Variants in UBR3 observed in about 807,000 individuals in gnomAD.
The protein encoded by UBR3 is ubiquitin protein ligase E3 component n-recognin 3.
In UBR3, 85 loss-of-function variants were observed where a neutral mutation model predicts 243.2. The ratio of observed to expected loss-of-function variants is 0.35; its 90% confidence interval spans 0.29 to 0.42. UBR3 has a LOEUF of 0.42. UBR3 is among the 10% of genes least tolerant of loss of function. The probability of loss-of-function intolerance (pLI) is 1.00; values close to 1 mark genes in which losing one functional copy is unlikely to be tolerated. For synonymous variants in UBR3, 748 were observed against 799.8 expected (o/e 0.94, Z 1.09); for missense variants, 1,686 against 2,300.8 (o/e 0.73, Z 5.47).
At chr2:169,946,713 CA>C (rs1291351623) in intron 21 of UBR3, among the ~76,000 whole-genome samples, 6 of 151,962 alleles carry the variant, frequency 3.9e-5, no homozygotes, top group Non-Finnish European at 8.8e-5. Flanking sequence ...ATGTTTAATG[CA>C]TTTTTGGTGT....
At chr2:169,961,299 T>C (rs568531199) in intron 24 of UBR3, among the ~76,000 whole-genome samples, 1 of 151,728 alleles carries the variant, frequency 6.6e-6, no homozygotes, top group Non-Finnish European at 1.5e-5. Flanking sequence ...TAACGTCATC[T>C]TTTTAAAAAA....
At chr2:169,881,859 GTGTATATGTATACATATA>G in intron 5 of UBR3, among the ~76,000 whole-genome samples, 1 of 133,178 alleles carries the variant, frequency 7.5e-6, no homozygotes, top group South Asian at 2.2e-4. Flanking sequence ...ATACGTATAT[GTGTATATGTATACATATA>G]GGTATATGTG....
At chr2:169,956,300 T>TCA (rs1553519141) in intron 23 of UBR3, among the ~76,000 whole-genome samples, 2 of 147,010 alleles carry the variant, frequency 1.4e-5, no homozygotes, top group Non-Finnish European at 3.0e-5. Flanking sequence ...AACTAAAATG[T>TCA]TATATATATA....
At chr2:169,965,205 T>C (rs548986137) in intron 24 of UBR3, among the ~76,000 whole-genome samples, 11 of 152,230 alleles carry the variant, frequency 7.2e-5, no homozygotes, top group Non-Finnish European at 1.3e-4. Context: ...TTTTGTACTA[T>C]AGTATTATTA....
intron 36 of UBR3, among the ~76,000 whole-genome samples, chr2:170,075,913 G>GA (rs35290980): frequency 0.01 from 1,427 of 137,276 alleles, 11 homozygotes; most frequent in African/African-American, 0.032. Context: ...AACTATGACA[G>GA]AAAAAAAAAA....
intron 18 of UBR3, among the ~76,000 whole-genome samples, chr2:169,930,013 A>AGCACAGTATT (rs1234310788): frequency 6.6e-6 from 1 of 152,224 alleles, no homozygotes; most frequent in Non-Finnish European, 1.5e-5. Context: ...TTAAAAGAAA[A>AGCACAGTATT]GCACAGTATT....
intron 27 of UBR3, among the ~76,000 whole-genome samples, chr2:170,001,939 A>AAAAAAAAG (rs1553531165): frequency 7.8e-4 from 90 of 116,034 alleles, no homozygotes; most frequent in African/African-American, 1.4e-3. Flanking sequence ...AAAAAAAAAA[A>AAAAAAAAG]AAAGAAAGAA....
intron 30 of UBR3, among the ~76,000 whole-genome samples, chr2:170,020,569 T>G (rs2090362306): frequency 1.3e-5 from 2 of 152,224 alleles, no homozygotes; most frequent in African/African-American, 4.8e-5. Context: ...ATGTTCATGG[T>G]TGTTAACTGT....
chr2:169,970,921 A>G (rs1373946743), intron 24 of UBR3, among the ~76,000 whole-genome samples: 2 of 145,262 alleles, frequency 1.4e-5, no homozygotes, highest in Non-Finnish European at 3.0e-5. Context: ...CAGTGGTTGA[A>G]CTAGTTTACA....
At chr2:169,974,333 C>CAA (rs1392962323) in intron 24 of UBR3, among the ~76,000 whole-genome samples, 9 of 152,084 alleles carry the variant, frequency 5.9e-5, no homozygotes, top group African/African-American at 2.2e-4. Context: ...ATTACTGATT[C>CAA]AATCTCATTA....
chr2:169,886,113 C>T lies in UBR3; in HGVS notation c.1039-5052C>T, dbSNP rs561459127. 5.3e-5 allele frequency among the ~76,000 whole-genome samples: 8 copies of T among 149,734 alleles called. No homozygotes were observed. The East Asian group carries it at 7.9e-4, about 15-fold the overall frequency. On this transcript the variant is annotated intron_variant, in intron 5 of 38. Coordinates refer to ENST00000272793, the MANE Select transcript of UBR3 (RefSeq NM_172070.4). ...TGGAGGTTGAAGTGAGCCGAGATCG[C>T]GCCACTGCACCCCAGCCTGCGCGAC... is the stretch of plus-strand genomic sequence containing the variant.
intron 1 of UBR3, among the ~76,000 whole-genome samples, chr2:169,840,601 G>A (rs992937497): frequency 6.6e-6 from 1 of 152,178 alleles, no homozygotes; most frequent in African/African-American, 2.4e-5. Flanking sequence ...TGTTGCCCTT[G>A]TGGAGACTCT....
intron 23 of UBR3, among the ~76,000 whole-genome samples, chr2:169,951,554 G>T (rs986565177): frequency 6.6e-6 from 1 of 152,148 alleles, no homozygotes; most frequent in African/African-American, 2.4e-5. Flanking sequence ...GGTACACAGG[G>T]TGTTAATGGG....
intron 1 of UBR3, among the ~76,000 whole-genome samples, chr2:169,851,905 C>T (rs922839491): frequency 4.0e-5 from 6 of 151,332 alleles, no homozygotes; most frequent in Middle Eastern, 3.5e-3. Context: ...TTGGAGTGTG[C>T]ACCGAATAAA....
Position 170,079,946 on chromosome 2 carries a change from G to A in UBR3, c.5332G>A (p.Val1778Ile), listed in dbSNP as rs142070706. The A allele has an allele frequency of 1.2e-6, 2 of 1,614,052 alleles. No homozygotes were observed. The highest frequency in any genetic ancestry group is 3.3e-5 in the Admixed American group (2 of 60,018). ...VCTKVPKDPA[V>I]CLVCGTFVCL... ...CACCAAGGTTCCTAAAGATCCTGCTGTTTGCCTTGTGTGTGGTACTTTTGT... is the reference window on the plus strand; with the variant it reads ...CACCAAGGTTCCTAAAGATCCTGCTATTTGCCTTGTGTGTGGTACTTTTGT... Residue 1778 changes from valine to isoleucine, a missense_variant, in exon 37 of 39, where the codon GTT becomes ATT. Physicochemically the swap from Val to Ile is conservative, Grantham distance 29 (BLOSUM62 3). Coordinates refer to ENST00000272793, the MANE Select transcript of UBR3 (RefSeq NM_172070.4).
At chr2:169,861,680 A>G (rs1559032599) in intron 1 of UBR3, among the ~76,000 whole-genome samples, 1 of 151,774 alleles carries the variant, frequency 6.6e-6, no homozygotes, top group Non-Finnish European at 1.5e-5. Context: ...TTTCTTGTCA[A>G]TTTTTATGTT....
chr2:169,898,793 C>T, intron 8 of UBR3, among the ~76,000 whole-genome samples: 1 of 151,486 alleles, frequency 6.6e-6, no homozygotes, highest in South Asian at 2.1e-4. Context: ...GCTCTGCCTC[C>T]CAGGTTCACG....
chr2:169,985,948 T>G (rs1472974225), intron 24 of UBR3, among the ~76,000 whole-genome samples: 2 of 152,242 alleles, frequency 1.3e-5, no homozygotes, highest in Non-Finnish European at 2.9e-5. Flanking sequence ...CCTATTTCTT[T>G]GTCACCAGTG....
At chr2:169,946,233 G>A in intron 20 of UBR3, 55 bp from the exon 21 acceptor site, 1 of 1,043,306 alleles carries the variant, frequency 9.6e-7, no homozygotes, top group Non-Finnish European at 1.4e-6. Flanking sequence ...ATCTCTAAAT[G>A]AAATACCTTT....
Sources: allele counts gnomAD v4.1 joint callset (sites outside exome capture counted in the v4.1 genomes callset), GRCh38; gene constraint gnomAD v4.1.1; transcripts MANE v1.5; gene names NCBI Gene and HGNC (gene_info 2026-07-23, HGNC 2026-07-21).